Variants in AGPS observed in about 807,000 individuals in gnomAD.
AGPS encodes the protein alkyldihydroxyacetonephosphate synthase, peroxisomal.
A neutral mutation model predicts 90.7 loss-of-function variants in AGPS; 26 were observed. The observed-to-expected ratio is 0.29, with a 90% CI of 0.21 to 0.40. AGPS has a LOEUF of 0.40. Ranked by LOEUF, AGPS falls within the 10% of genes least tolerant of loss-of-function variation. AGPS has a pLI of 1.00. For synonymous variants in AGPS, 294 were observed against 285.3 expected (o/e 1.03, Z -0.31); for missense variants, 540 against 816.1 (o/e 0.66, Z 4.12).
rs1355880507 is a variant in AGPS at position 177,393,292 on chromosome 2, T to C, written c.260+243T>C. On this transcript the variant is annotated intron_variant, in intron 1 of 19. Transcript: ENST00000264167. ...TGAGGGTAACAGGCTTGAAGAACTC[T>C]CGTTGGAGAAGGGTTTAAAGGATTC... 4.1e-6 allele frequency: 4 copies of C among 985,274 alleles called. No individual in the cohort carries two copies. The African/African-American group carries it at 7.0e-5, about 17-fold the overall frequency. The allele number at this position is 985,274 out of a possible 1,614,324, so 61.0% of individuals were successfully genotyped here.
chr2:177,469,188 A>T (rs755320896), intron 10 of AGPS, among the ~76,000 whole-genome samples: 1 of 152,094 alleles, frequency 6.6e-6, no homozygotes, highest in African/African-American at 2.4e-5. Flanking sequence ...AATTTTTAGG[A>T]TGGGAGAGGG....
At chr2:177,452,225 C>G (rs1559052365) in intron 8 of AGPS, among the ~76,000 whole-genome samples, 1 of 152,074 alleles carries the variant, frequency 6.6e-6, no homozygotes, top group African/African-American at 2.4e-5. Flanking sequence ...ATTCAGGTCT[C>G]TTATATTTTT....
At chr2:177,404,591 TTAATCCA>T (rs1448526218) in intron 1 of AGPS, among the ~76,000 whole-genome samples, 4 of 152,238 alleles carry the variant, frequency 2.6e-5, no homozygotes, top group African/African-American at 7.2e-5. Flanking sequence ...CACATATCCA[TTAATCCA>T]TTCTTTTTTC....
intron 8 of AGPS, among the ~76,000 whole-genome samples, chr2:177,453,887 A>G (rs112773455): frequency 7.0e-6 from 1 of 142,666 alleles, no homozygotes; most frequent in Admixed American, 7.3e-5. Flanking sequence ...GGGTTTCTCC[A>G]TGTTGGTCAG....
At chr2:177,537,984 C>A in intron 19 of AGPS, 90 bp from the exon 20 acceptor site, 1 of 1,498,650 alleles carries the variant, frequency 6.7e-7, no homozygotes, top group Non-Finnish European at 9.3e-7. Flanking sequence ...AAGCATTTAT[C>A]ACACAGTGTT....
At chr2:177,400,515 A>G (rs1685303715) in intron 1 of AGPS, among the ~76,000 whole-genome samples, 1 of 152,220 alleles carries the variant, frequency 6.6e-6, no homozygotes, top group Non-Finnish European at 1.5e-5. Context: ...ACTCATTGAA[A>G]AAAACTGCTA....
chr2:177,404,744 G>A (rs1372796611), intron 1 of AGPS, among the ~76,000 whole-genome samples: 1 of 151,940 alleles, frequency 6.6e-6, no homozygotes, highest in Non-Finnish European at 1.5e-5. Flanking sequence ...GATAGTATTT[G>A]TTTTGCCTTC....
At chr2:177,509,947 TACCTGGCAGGAAAA>T (rs1688822526) in intron 16 of AGPS, among the ~76,000 whole-genome samples, 1 of 152,144 alleles carries the variant, frequency 6.6e-6, no homozygotes, top group African/African-American at 2.4e-5. Context: ...CAGTTCTGTC[TACCTGGCAGGAAAA>T]ACCAAAAGAA....
At chr2:177,410,338 A>G (rs940503638) in intron 1 of AGPS, among the ~76,000 whole-genome samples, 18 of 152,216 alleles carry the variant, frequency 1.2e-4, no homozygotes, top group African/African-American at 4.3e-4. Context: ...TACAGCCAGT[A>G]GTAATCTCCT....
At chr2:177,403,960 T>G (rs531202565) in intron 1 of AGPS, among the ~76,000 whole-genome samples, 1 of 152,302 alleles carries the variant, frequency 6.6e-6, no homozygotes, top group African/African-American at 2.4e-5. Flanking sequence ...AGGCACATTT[T>G]TAAAAAAGGG....
At chr2:177,412,956 A>G (rs1247036960) in intron 1 of AGPS, among the ~76,000 whole-genome samples, 1 of 152,178 alleles carries the variant, frequency 6.6e-6, no homozygotes, top group Non-Finnish European at 1.5e-5. Flanking sequence ...TCAGGAGCAC[A>G]GTGGACACCC....
chr2:177,414,205 G>A (rs1685720420), intron 1 of AGPS, among the ~76,000 whole-genome samples: 2 of 151,870 alleles, frequency 1.3e-5, no homozygotes, highest in African/African-American at 4.8e-5. Context: ...GTTTTAAAAG[G>A]TTTCTTTCTT....
chr2:177,534,049 A>G (rs2079162558), intron 19 of AGPS, among the ~76,000 whole-genome samples: 1 of 152,214 alleles, frequency 6.6e-6, no homozygotes, highest in Admixed American at 6.5e-5. Flanking sequence ...TTTTTGACTT[A>G]TAATCAAATG....
chr2:177,450,027 C>A (rs1337716365), intron 8 of AGPS, among the ~76,000 whole-genome samples: 1 of 151,890 alleles, frequency 6.6e-6, no homozygotes, highest in African/African-American at 2.4e-5. Flanking sequence ...TTAGTAGAGA[C>A]GGGTTTTCAC....
intron 1 of AGPS, among the ~76,000 whole-genome samples, chr2:177,413,077 C>T (rs1685669602): frequency 6.6e-6 from 1 of 152,072 alleles, no homozygotes; most frequent in African/African-American, 2.4e-5. Context: ...CAAACACAGA[C>T]CAGAAGAGTA....
intron 19 of AGPS, among the ~76,000 whole-genome samples, chr2:177,527,720 CCTT>C (rs1269228274): frequency 1.3e-5 from 2 of 152,092 alleles, no homozygotes; most frequent in African/African-American, 2.4e-5. Flanking sequence ...GGTTTATAGG[CCTT>C]CTTTTATTGA....
chr2:177,513,954 G>GT lies in AGPS; in HGVS notation c.1697+54dup, dbSNP rs543884300. On this transcript the variant is annotated intron_variant, in intron 17 of 19. Transcript: ENST00000264167. ...TTATACTTCTTATTCTGAAAAAAAT[G>GT]TTTTTTTTAATCAAGGGGGGGAATA... 967 of 1,434,016 alleles carry GT rather than the reference G, an allele frequency of 6.7e-4. 4 individuals are homozygous for GT. In the African/African-American group the frequency reaches 9.4e-3, roughly 14 times the overall value. 88.8% of individuals were successfully genotyped at this position (1,434,016 alleles called of 1,614,324 possible).
At chr2:177,497,448 A>T (rs2105709649) in intron 12 of AGPS, among the ~76,000 whole-genome samples, 1 of 152,064 alleles carries the variant, frequency 6.6e-6, no homozygotes, top group South Asian at 2.1e-4. Flanking sequence ...TAAAAAATCA[A>T]ATTGATAATG....
chr2:177,442,603 T>C, intron 7 of AGPS, 117 bp downstream of exon 7: 2 of 785,578 alleles, frequency 2.5e-6, no homozygotes, highest in East Asian at 5.5e-5. Context: ...TCCCAGCACC[T>C]GGGGAGGCTG....
Sources: allele counts gnomAD v4.1 joint callset (sites outside exome capture counted in the v4.1 genomes callset), GRCh38; gene constraint gnomAD v4.1.1; transcripts MANE v1.5; gene names NCBI Gene and HGNC (gene_info 2026-07-23, HGNC 2026-07-21).